The following SEL1L3 variants were observed in gnomAD, a reference collection of about 807,000 sequenced individuals.
SEL1L3 encodes protein sel-1 homolog 3.
Under a neutral mutation model 142.8 loss-of-function variants are expected in SEL1L3, and 76 were observed. The ratio of observed to expected loss-of-function variants is 0.53; its 90% confidence interval spans 0.44 to 0.64. SEL1L3 has a LOEUF of 0.64. Ranked by LOEUF, SEL1L3 falls within the 30% of genes least tolerant of loss-of-function variation. The pLI is 0.00. For missense variants in SEL1L3, 1,262 were observed against 1,381.7 expected (o/e 0.91, Z 1.37); for synonymous variants, 504 against 519.6 (o/e 0.97, Z 0.41).
At chr4:25,826,237 G>A (rs559889650) in intron 6 of SEL1L3, among the ~76,000 whole-genome samples, 1 of 152,272 alleles carries the variant, frequency 6.6e-6, no homozygotes, top group East Asian at 1.9e-4. Flanking sequence ...ACGCTATAGA[G>A]GCCTGAAGCT....
At chr4:25,831,728 T>C (rs1031754746) in intron 5 of SEL1L3, among the ~76,000 whole-genome samples, 1 of 151,940 alleles carries the variant, frequency 6.6e-6, no homozygotes, top group Admixed American at 6.6e-5. Flanking sequence ...TTTCACCATG[T>C]TGGCCAGGCT....
At position 25,835,198 on chromosome 4, in the gene SEL1L3, C is replaced by G; in HGVS notation, c.859G>C (p.Val287Leu). 6.2e-7 allele frequency: 1 copy of G among 1,613,976 alleles called. No homozygotes were observed. Among genetic ancestry groups the G allele is most frequent in the Non-Finnish European group, 8.5e-7 (1 of 1,179,842 alleles). ...CTCCCTTCTGCTACCCATCCTTACA[C>G]TGGGTAATCCATCCTCTGGCGTCGA... Reference protein sequence around the residue: ...ATRRQRMDYPVFTVSLWLYLL... With the variant: ...ATRRQRMDYPLFTVSLWLYLL... The change falls in exon 3 of 24, where the codon GTG becomes CTG. Residue 287 changes from valine to leucine, a missense_variant and splice_region_variant. Val to Leu is a conservative substitution (Grantham distance 32, BLOSUM62 1). This residue lies in a region of SEL1L3 where 689 missense variants were observed against 692.8 expected (regional missense o/e 0.99). Transcript: ENST00000399878.
At chr4:25,859,860 G>A (rs764504124) in intron 1 of SEL1L3, among the ~76,000 whole-genome samples, 8 of 152,084 alleles carry the variant, frequency 5.3e-5, no homozygotes, top group Non-Finnish European at 1.0e-4. Flanking sequence ...TGTGGCCTGC[G>A]CTTCCTGCTT....
At chr4:25,756,577 G>A in intron 23 of SEL1L3, 1 of 940,458 alleles carries the variant, frequency 1.1e-6, no homozygotes, top group Non-Finnish European at 1.3e-6. Flanking sequence ...GGATCAGGAA[G>A]GTTAAATAAC....
intron 17 of SEL1L3, among the ~76,000 whole-genome samples, chr4:25,775,037 T>G (rs1378837758): frequency 6.6e-6 from 1 of 152,024 alleles, no homozygotes; most frequent in Non-Finnish European, 1.5e-5. Context: ...CCTAAGAAGT[T>G]TGTAGGGAGC....
At chr4:25,822,874 G>A (rs905000317) in intron 6 of SEL1L3, among the ~76,000 whole-genome samples, 1 of 152,210 alleles carries the variant, frequency 6.6e-6, no homozygotes, top group Non-Finnish European at 1.5e-5. Context: ...TCTGTCAGCG[G>A]GGACTGGCCC....
At chr4:25,744,346 G>GTTTTTTTTTTTTT (rs1560268280), downstream of SEL1L3, among the ~76,000 whole-genome samples, 2 of 66,836 alleles carry the variant, frequency 3.0e-5, no homozygotes, top group African/African-American at 8.8e-5. Flanking sequence ...ATATGTGTGA[G>GTTTTTTTTTTTTT]TCTTTTTTTT....
chr4:25,774,127 A>T (rs1281380721), intron 17 of SEL1L3, among the ~76,000 whole-genome samples: 1 of 152,218 alleles, frequency 6.6e-6, no homozygotes, highest in Non-Finnish European at 1.5e-5. Context: ...TGTAAAAAGC[A>T]ATCATGATCC....
At chr4:25,735,834 T>C in the SEL1L3 span, among the ~76,000 whole-genome samples, 1 of 142,116 alleles carries the variant, frequency 7.0e-6, no homozygotes, top group Non-Finnish European at 1.5e-5. Context: ...TTCTTTTTTT[T>C]TTTTTTTTTT....
In SEL1L3 at chr4:25,801,580, T is replaced by C. The variant is rs553590750; in HGVS notation, c.1956+703A>G. ...CAAACCATCAGTTGGTGTAATGTAATACATTATGGTCTTTTGGGAGATGTG... is the reference window on the plus strand; with the variant it reads ...CAAACCATCAGTTGGTGTAATGTAACACATTATGGTCTTTTGGGAGATGTG... On this transcript the variant is annotated intron_variant, in intron 11 of 23. Coordinates refer to ENST00000399878, the MANE Select transcript of SEL1L3 (RefSeq NM_015187.5). 4.6e-5 allele frequency among the ~76,000 whole-genome samples: 7 copies of C among 152,328 alleles called. No individual in the cohort carries two copies. The South Asian group carries it at 1.5e-3, about 32-fold the overall frequency.
Position 25,765,425 on chromosome 4 carries a change from C to G in SEL1L3, c.2856G>C (p.Lys952Asn), listed in dbSNP as rs1301126776. ...GGCCATAGTAGTAAAGGTCTCCCAT[C>G]TTCAAATATGCTGCAGGAAATAAAG... ...QIDAPSFAYL[K>N]MGDLYYYGHQ... is the part of the protein sequence containing the mutation. The change falls in exon 20 of 24, where the codon AAG becomes AAC. Residue 952 changes from lysine to asparagine, a missense_variant. This residue lies in a region of SEL1L3 where 435 missense variants were observed against 559.2 expected (regional missense o/e 0.78). Coordinates refer to ENST00000399878, the MANE Select transcript of SEL1L3 (RefSeq NM_015187.5). The G allele has an allele frequency of 6.2e-7, 1 of 1,604,608 alleles. No homozygotes were observed. The highest frequency in any genetic ancestry group is 8.5e-7 in the Non-Finnish European group (1 of 1,171,548).
rs563111343 is a variant in SEL1L3 at position 25,759,518 on chromosome 4, G to T, written c.2956-450C>A. 317 of 158,960 alleles carry T rather than the reference G, an allele frequency of 2.0e-3. 3 individuals are homozygous for T. Among genetic ancestry groups the T allele is most frequent in the African/African-American group, 7.2e-3 (301 of 41,594 alleles). The allele number at this position is 158,960 out of a possible 1,614,324, so 9.8% of individuals were successfully genotyped here. ...TTCCAATGACTGACAACCCAAGGCG[G>T]TGCCTCCCTTGCACGGGATCACCTA... On this transcript the variant is annotated intron_variant, in intron 20 of 23. Transcript: ENST00000399878.
At chr4:25,796,981 A>G (rs1481168719) in intron 11 of SEL1L3, among the ~76,000 whole-genome samples, 1 of 151,180 alleles carries the variant, frequency 6.6e-6, no homozygotes, top group Non-Finnish European at 1.5e-5. Context: ...AGGGGTAGGA[A>G]GAGGAAAGAG....
downstream of SEL1L3, among the ~76,000 whole-genome samples, chr4:25,746,519 T>C (rs1283311991): frequency 1.5e-5 from 2 of 137,794 alleles, no homozygotes; most frequent in Non-Finnish European, 3.1e-5. Context: ...TATATATATA[T>C]ATATATATTT....
At chr4:25,725,451 A>G in the SEL1L3 span, among the ~76,000 whole-genome samples, 115,247 of 151,636 alleles carry the variant, frequency 0.76, 44,255 homozygotes, top group African/African-American at 0.86. Context: ...GAGTAGTTGG[A>G]ATTACAGGTA....
At chr4:25,803,706 A>G (rs1391431992) in intron 10 of SEL1L3, among the ~76,000 whole-genome samples, 1 of 152,150 alleles carries the variant, frequency 6.6e-6, no homozygotes, top group Non-Finnish European at 1.5e-5. Flanking sequence ...AAGGCAGAGG[A>G]AAGAGAAATT....
At chr4:25,856,593 TAAA>T (rs397765802) in intron 1 of SEL1L3, among the ~76,000 whole-genome samples, 2,304 of 117,064 alleles carry the variant, frequency 0.02, 58 homozygotes, top group African/African-American at 0.059. Flanking sequence ...GTATTGTAAT[TAAA>T]AAAAAAAAAA....
intron 12 of SEL1L3, among the ~76,000 whole-genome samples, chr4:25,789,604 A>T (rs991867878): frequency 2.6e-4 from 31 of 118,546 alleles, no homozygotes; most frequent in Non-Finnish European, 5.0e-4. Flanking sequence ...AAAAAAAAAA[A>T]GCCCCTGTAC....
chr4:25,755,708 A>G (rs1423825794), intron 23 of SEL1L3, among the ~76,000 whole-genome samples: 1 of 152,210 alleles, frequency 6.6e-6, no homozygotes, highest in East Asian at 1.9e-4. Flanking sequence ...GAGACAGAAA[A>G]AAGAGATGAC....
Sources: allele counts gnomAD v4.1 joint callset (sites outside exome capture counted in the v4.1 genomes callset), GRCh38; gene constraint gnomAD v4.1.1; regional missense constraint gnomAD v4.1.1; transcripts MANE v1.5; gene names NCBI Gene and HGNC (gene_info 2026-07-23, HGNC 2026-07-21).